Variants in STK32A observed in about 807,000 individuals in gnomAD.
The protein encoded by STK32A is serine/threonine-protein kinase 32A.
STK32A carries 41 observed loss-of-function variants against 53.2 expected under a neutral mutation model. The ratio of observed to expected loss-of-function variants is 0.77; its 90% CI spans 0.60 to 1.00. The LOEUF is 1.00. Ranked by LOEUF, STK32A falls within the 50% of genes least tolerant of loss-of-function variation. The pLI is 0.00. For synonymous variants in STK32A, 166 were observed against 162.8 expected (o/e 1.02, Z -0.15); for missense variants, 458 against 485.8 (o/e 0.94, Z 0.54).
intron 4 of STK32A, among the ~76,000 whole-genome samples, chr5:147,297,572 C>T (rs984783036): frequency 6.6e-6 from 1 of 152,148 alleles, no homozygotes; most frequent in African/African-American, 2.4e-5. Context: ...CAGATCTGAT[C>T]ACAGCTGGAA....
chr5:147,395,739 C>T, the STK32A span: 2 of 1,612,838 alleles, frequency 1.2e-6, no homozygotes, highest in Non-Finnish European at 8.5e-7. Context: ...CAGAGAAGAG[C>T]ATGTCACCAT....
chr5:147,238,352 G>T (rs1211843417), intron 1 of STK32A, among the ~76,000 whole-genome samples: 1 of 152,120 alleles, frequency 6.6e-6, no homozygotes, highest in South Asian at 2.1e-4. Context: ...CATCTGCCTG[G>T]CTCCTATAGG....
At chr5:147,258,431 T>C (rs1754337201) in intron 2 of STK32A, among the ~76,000 whole-genome samples, 1 of 152,170 alleles carries the variant, frequency 6.6e-6, no homozygotes, top group Non-Finnish European at 1.5e-5. Context: ...TTACTTTCCT[T>C]ATACACCTTG....
At chr5:147,238,975 T>C (rs187799976) in intron 1 of STK32A, among the ~76,000 whole-genome samples, 1 of 152,276 alleles carries the variant, frequency 6.6e-6, no homozygotes, top group East Asian at 1.9e-4. Flanking sequence ...GAGTTAAATG[T>C]ATGTCTGTCC....
intron 9 of STK32A, among the ~76,000 whole-genome samples, chr5:147,372,066 A>G (rs769931262): frequency 3.8e-4 from 58 of 152,076 alleles, no homozygotes; most frequent in Admixed American, 9.8e-4. Context: ...ATGTGTTACC[A>G]TTGTATTCTC....
At chr5:147,277,543 C>T (rs1034014059) in intron 2 of STK32A, among the ~76,000 whole-genome samples, 1 of 152,154 alleles carries the variant, frequency 6.6e-6, no homozygotes, top group Non-Finnish European at 1.5e-5. Flanking sequence ...ATGCTACACA[C>T]TTAGAGGTGT....
At chr5:147,345,400 G>A (rs1359549254) in intron 6 of STK32A, among the ~76,000 whole-genome samples, 1 of 152,120 alleles carries the variant, frequency 6.6e-6, no homozygotes, top group Non-Finnish European at 1.5e-5. Context: ...GGCAGTCATG[G>A]CTTTCTTTCC....
chr5:147,238,359 T>C (rs974960777), intron 1 of STK32A, among the ~76,000 whole-genome samples: 1 of 152,176 alleles, frequency 6.6e-6, no homozygotes, highest in African/African-American at 2.4e-5. Context: ...CTGGCTCCTA[T>C]AGGGATCCCA....
At chr5:147,259,527 T>C (rs985181544) in intron 2 of STK32A, among the ~76,000 whole-genome samples, 2 of 141,204 alleles carry the variant, frequency 1.4e-5, no homozygotes, top group Non-Finnish European at 3.0e-5. Context: ...TTATAGGTTT[T>C]AAATTTACCC....
chr5:147,360,903 G>A lies in STK32A; in HGVS notation c.563-614G>A, dbSNP rs551382146. On this transcript the variant is annotated intron_variant, in intron 7 of 12. Transcript: ENST00000397936. ...GTCCTCTCTGGGGGTAAAATTGACT[G>A]TAGCTCTGCCTTCCACTGGAATCAA... 9.2e-5 allele frequency among the ~76,000 whole-genome samples: 14 copies of A among 152,300 alleles called. No individual in the cohort carries two copies. In the South Asian group the frequency reaches 2.9e-3, roughly 32 times the overall value.
chr5:147,248,616 A>C (rs1753854877), intron 2 of STK32A, among the ~76,000 whole-genome samples: 1 of 152,126 alleles, frequency 6.6e-6, no homozygotes, highest in Non-Finnish European at 1.5e-5. Context: ...TCTACTTTGC[A>C]ATTTGTTTGA....
intron 4 of STK32A, among the ~76,000 whole-genome samples, chr5:147,283,837 A>C (rs1752187641): frequency 6.6e-6 from 1 of 152,180 alleles, no homozygotes; most frequent in African/African-American, 2.4e-5. Context: ...GACCAGATGG[A>C]TTCACAGCAG....
At chr5:147,262,053 G>T (rs931772549) in intron 2 of STK32A, among the ~76,000 whole-genome samples, 1 of 152,126 alleles carries the variant, frequency 6.6e-6, no homozygotes, top group Non-Finnish European at 1.5e-5. Context: ...AGTAGGTCTT[G>T]AAATGTGGTA....
At chr5:147,294,422 G>A (rs746265391) in intron 4 of STK32A, among the ~76,000 whole-genome samples, 10 of 151,178 alleles carry the variant, frequency 6.6e-5, no homozygotes, top group South Asian at 2.1e-4. Context: ...CCACCATGCC[G>A]GGCTAATTTT....
chr5:147,386,588 A>G lies in STK32A; in HGVS notation c.*2605A>G, dbSNP rs1200942512. 1.3e-5 allele frequency: 2 copies of G among 152,196 alleles called. No individual in the cohort carries two copies. The highest frequency in any genetic ancestry group is 2.4e-5 in the African/African-American group (1 of 41,444). The allele number at this position is 152,196 out of a possible 1,614,324, so 9.4% of individuals were successfully genotyped here. On this transcript the variant is annotated 3_prime_UTR_variant, in exon 13 of 13. Coordinates refer to ENST00000397936, the MANE Select transcript of STK32A (RefSeq NM_001112724.2). ...TATGATGGGATGGGAACCCGATACA[A>G]TCTCTGTAGGCTGAATCCCTAGTTT...
intron 4 of STK32A, among the ~76,000 whole-genome samples, chr5:147,309,603 A>G (rs116452616): frequency 0.021 from 3,177 of 152,296 alleles, 108 homozygotes; most frequent in African/African-American, 0.073. Context: ...ATGAATTGAA[A>G]AGCGTAGTTG....
chr5:147,343,166 C>T (rs971031891), intron 6 of STK32A, 123 bp downstream of exon 6: 2 of 1,030,980 alleles, frequency 1.9e-6, no homozygotes, highest in African/African-American at 3.1e-5. Flanking sequence ...GCTCTACTTA[C>T]AAACTCCTCA....
chr5:147,394,119 G>A, the STK32A span: 15,487 of 1,613,984 alleles, frequency 9.6e-3, 1,167 homozygotes, highest in East Asian at 0.2. Flanking sequence ...CATCCACTTG[G>A]GTGCCTACAG....
At chr5:147,383,793 T>A in intron 12 of STK32A, 97 bp from the exon 13 acceptor site, 1 of 1,158,022 alleles carries the variant, frequency 8.6e-7, no homozygotes, top group Non-Finnish European at 1.2e-6. Flanking sequence ...CTCATGCTTA[T>A]TTATAAATTA....
Sources: allele counts gnomAD v4.1 joint callset (sites outside exome capture counted in the v4.1 genomes callset), GRCh38; gene constraint gnomAD v4.1.1; transcripts MANE v1.5; gene names NCBI Gene and HGNC (gene_info 2026-07-23, HGNC 2026-07-21).